The following SLC39A11 variants were observed in gnomAD, a reference collection of about 807,000 sequenced individuals.
SLC39A11 encodes solute carrier family 39 member 11.
SLC39A11 carries 33 observed loss-of-function variants against 36.1 expected under a neutral mutation model. The ratio of observed to expected loss-of-function variants is 0.91; its 90% confidence interval spans 0.69 to 1.22. The LOEUF (loss-of-function observed/expected upper bound fraction) is 1.22, where lower values mean the gene tolerates loss of function less well. Among genes scored for constraint, SLC39A11 ranks in the 50% most tolerant of loss-of-function variants. The pLI, the probability that SLC39A11 is intolerant of heterozygous loss-of-function variation, is 0.00. For synonymous variants in SLC39A11, 166 were observed against 170.3 expected, an observed-to-expected ratio of 0.97 and a Z score of 0.20; for missense variants, 432 against 430.3, an observed-to-expected ratio of 1.00 and a Z score of -0.03.
intron 6 of SLC39A11, among the ~76,000 whole-genome samples, chr17:72,797,684 C>T (rs185868174): frequency 2.0e-5 from 3 of 152,116 alleles, no homozygotes; most frequent in African/African-American, 4.8e-5. Context: ...TGCACACCAT[C>T]GTGGCCCGGC....
At chr17:73,030,732 T>C (rs1178619033) in intron 4 of SLC39A11, among the ~76,000 whole-genome samples, 3 of 152,192 alleles carry the variant, frequency 2.0e-5, no homozygotes, top group African/African-American at 7.2e-5. Flanking sequence ...GCTGTTATGA[T>C]CTTGGACCCC....
At chr17:73,070,346 G>C (rs2060126269) in intron 3 of SLC39A11, among the ~76,000 whole-genome samples, 1 of 152,144 alleles carries the variant, frequency 6.6e-6, no homozygotes, top group African/African-American at 2.4e-5. Flanking sequence ...TCCATAGACA[G>C]GGCTGCAGCT....
intron 6 of SLC39A11, among the ~76,000 whole-genome samples, chr17:72,822,400 T>C (rs1308101302): frequency 6.7e-6 from 1 of 150,018 alleles, no homozygotes; most frequent in East Asian, 1.9e-4. Flanking sequence ...ATCTGTTAAT[T>C]TGACTCATGA....
At position 72,834,633 on chromosome 17, in the gene SLC39A11, C is replaced by CAATAAAATAAAATAAAATAAAATAA. The variant is rs139007121; in HGVS notation, c.601+14976_601+15000dup. On this transcript the variant is annotated intron_variant, in intron 6 of 9. Coordinates refer to ENST00000255559, the MANE Select transcript of SLC39A11 (RefSeq NM_139177.4). ...TGAGACTCCAACTCCATAAACAAAA[C>CAATAAAATAAAATAAAATAAAATAA]AATAAAATAAAATAAAATAAAATAA... Among the ~76,000 whole-genome samples, 739 of 148,316 alleles carry CAATAAAATAAAATAAAATAAAATAA rather than the reference C, an allele frequency of 5.0e-3. 4 individuals are homozygous for CAATAAAATAAAATAAAATAAAATAA. Among genetic ancestry groups the CAATAAAATAAAATAAAATAAAATAA allele is most frequent in the Middle Eastern group, 0.028 (8 of 288 alleles).
At position 72,665,554 on chromosome 17, in the gene SLC39A11, T is replaced by A. The variant is rs568199072; in HGVS notation, c.672-16286A>T. Among the ~76,000 whole-genome samples the A allele has an allele frequency of 5.9e-5, 9 of 151,980 alleles. No individual in the cohort carries two copies. In the East Asian group the frequency reaches 1.4e-3, roughly 23 times the overall value. ...GTGCTACCAGGCCCAGCTAATTTTTTAAAAATTACTTTTATAGAGATGGGG... is the reference window on the plus strand; with the variant it reads ...GTGCTACCAGGCCCAGCTAATTTTTAAAAAATTACTTTTATAGAGATGGGG... On this transcript the variant is annotated intron_variant, in intron 7 of 9. Coordinates refer to ENST00000255559, the MANE Select transcript of SLC39A11 (RefSeq NM_139177.4).
intron 6 of SLC39A11, chr17:72,818,854 G>A (rs1286444156): frequency 1.3e-5 from 2 of 152,114 alleles, no homozygotes; most frequent in Non-Finnish European, 2.9e-5. Flanking sequence ...GTTGTAGAAT[G>A]ATCCATCCTT....
intron 7 of SLC39A11, among the ~76,000 whole-genome samples, chr17:72,652,626 T>C (rs895497798): frequency 6.6e-6 from 1 of 152,186 alleles, no homozygotes; most frequent in African/African-American, 2.4e-5. Context: ...CAAGAACTCA[T>C]GCGTCCTCTT....
intron 5 of SLC39A11, among the ~76,000 whole-genome samples, chr17:72,913,985 A>G (rs2083178190): frequency 6.7e-6 from 1 of 150,128 alleles, no homozygotes; most frequent in South Asian, 2.1e-4. Context: ...CACAGATTCA[A>G]CCTACCATGA....
chr17:73,084,592 C>T (rs1185934557), intron 3 of SLC39A11, among the ~76,000 whole-genome samples: 1 of 152,044 alleles, frequency 6.6e-6, no homozygotes, highest in East Asian at 1.9e-4. Flanking sequence ...AGTCCTGAGG[C>T]AGCTGTCAAA....
chr17:72,823,667 A>G (rs779481199), intron 6 of SLC39A11: 1 of 151,356 alleles, frequency 6.6e-6, no homozygotes, highest in Non-Finnish European at 1.5e-5. Context: ...CCCGTTAAAC[A>G]TTGCTCAATA....
chr17:72,985,170 G>A (rs1191089477), intron 4 of SLC39A11, among the ~76,000 whole-genome samples: 3 of 152,210 alleles, frequency 2.0e-5, no homozygotes, highest in Non-Finnish European at 4.4e-5. Context: ...GCAATGATCT[G>A]CTCATGCTTA....
chr17:72,893,484 T>TACGG (rs1236196646), intron 5 of SLC39A11, among the ~76,000 whole-genome samples: 1 of 152,108 alleles, frequency 6.6e-6, no homozygotes, highest in South Asian at 2.1e-4. Flanking sequence ...TATATATAGA[T>TACGG]ACGGACCACA....
intron 5 of SLC39A11, among the ~76,000 whole-genome samples, chr17:72,938,049 T>C (rs567478359): frequency 6.6e-6 from 1 of 152,302 alleles, no homozygotes; most frequent in Admixed American, 6.5e-5. Context: ...TTCAAAATGT[T>C]ACGACCCTCA....
At chr17:72,971,336 A>ACT (rs369016332) in intron 4 of SLC39A11, among the ~76,000 whole-genome samples, 1,827 of 143,476 alleles carry the variant, frequency 0.013, 26 homozygotes, top group African/African-American at 0.037. Flanking sequence ...ACACACACAC[A>ACT]CTCTCTCTCT....
chr17:72,874,449 T>G (rs908184463), intron 5 of SLC39A11, among the ~76,000 whole-genome samples: 1 of 152,116 alleles, frequency 6.6e-6, no homozygotes, highest in Non-Finnish European at 1.5e-5. Flanking sequence ...GACAAGAAGC[T>G]GAGGCGTCCA....
rs187662648 is a variant in SLC39A11 at position 73,034,971 on chromosome 17, T to C, written c.148-3257A>G. The stretch of plus-strand genomic sequence containing the variant: ...TTCTTGAGAATCACTGCCCTTTATC[T>C]TTCCAGTCAAATTTAGGATCCAGCT... On this transcript the variant is annotated intron_variant, in intron 3 of 9. Transcript: ENST00000255559. Among the ~76,000 whole-genome samples the C allele has an allele frequency of 5.9e-5, 9 of 152,300 alleles. No homozygotes were observed. The East Asian group carries it at 1.4e-3, about 23-fold the overall frequency.
chr17:73,023,505 T>C (rs1458486102), intron 4 of SLC39A11, among the ~76,000 whole-genome samples: 1 of 152,072 alleles, frequency 6.6e-6, no homozygotes, highest in Non-Finnish European at 1.5e-5. Context: ...TTGTTTTGTG[T>C]TTTTGAGGCA....
intron 6 of SLC39A11, among the ~76,000 whole-genome samples, chr17:72,774,622 T>C (rs1392853918): frequency 2.6e-5 from 4 of 152,128 alleles, no homozygotes; most frequent in Non-Finnish European, 5.9e-5. Flanking sequence ...GGGACTCTGA[T>C]CTTGCATTAA....
chr17:72,736,907 C>T (rs1598503868), intron 6 of SLC39A11, among the ~76,000 whole-genome samples, 188 bp from the exon 7 acceptor site: 1 of 152,116 alleles, frequency 6.6e-6, no homozygotes, highest in African/African-American at 2.4e-5. Context: ...TTCTCTATGG[C>T]CTGCAACCTA....
Sources: allele counts gnomAD v4.1 joint callset (sites outside exome capture counted in the v4.1 genomes callset), GRCh38; gene constraint gnomAD v4.1.1; transcripts MANE v1.5; gene names NCBI Gene and HGNC (gene_info 2026-07-23, HGNC 2026-07-21).